The following DPYD variants were observed in gnomAD, a reference collection of about 807,000 sequenced individuals.
The protein encoded by DPYD is dihydropyrimidine dehydrogenase, also known as dihydropyrimidine dehydrogenase [NADP(+)].
DPYD carries 109 observed loss-of-function variants against 116.2 expected under a neutral mutation model. The observed-to-expected ratio is 0.94, with a 90% CI of 0.80 to 1.10. DPYD has a LOEUF of 1.10. DPYD is among the 50% of genes least tolerant of loss of function. The probability of loss-of-function intolerance (pLI) is 0.00; values close to 1 mark genes in which losing one functional copy is unlikely to be tolerated. For missense variants in DPYD, 1,302 were observed against 1,254.5 expected (o/e 1.04, Z -0.57); for synonymous variants, 440 against 432.0 (o/e 1.02, Z -0.23).
intron 11 of DPYD, among the ~76,000 whole-genome samples, chr1:97,571,338 G>A (rs527411975): frequency 1.3e-5 from 2 of 152,022 alleles, no homozygotes; most frequent in East Asian, 3.9e-4. Context: ...AGTCCTGAGA[G>A]GTAGAAAGAT....
At position 97,477,751 on chromosome 1, in the gene DPYD, G is replaced by A. The variant is rs547694354; in HGVS notation, c.1741-27528C>T. 2.6e-5 allele frequency among the ~76,000 whole-genome samples: 4 copies of A among 151,692 alleles called. No individual in the cohort carries two copies. In the East Asian group the frequency reaches 7.8e-4, roughly 29 times the overall value. The stretch of plus-strand genomic sequence containing the variant: ...TTCTCCTGCCTCAGCCTCCCGAGTA[G>A]CTGGGACTACAGGCGCCCGCCACCG... On this transcript the variant is annotated intron_variant, in intron 13 of 22. Transcript: ENST00000370192.
intron 7 of DPYD, among the ~76,000 whole-genome samples, chr1:97,689,838 G>C (rs998406793): frequency 6.6e-6 from 1 of 152,014 alleles, no homozygotes; most frequent in Admixed American, 6.6e-5. Context: ...AAGTGAAAAG[G>C]AATCTCACTG....
intron 3 of DPYD, among the ~76,000 whole-genome samples, chr1:97,777,792 A>G (rs996346423): frequency 5.3e-5 from 8 of 152,092 alleles, no homozygotes; most frequent in Non-Finnish European, 1.2e-4. Context: ...TGAAGTAGCC[A>G]TTATGTACTA....
intron 8 of DPYD, among the ~76,000 whole-genome samples, chr1:97,599,676 C>T (rs1254583981): frequency 6.6e-6 from 1 of 151,324 alleles, no homozygotes; most frequent in African/African-American, 2.4e-5. Flanking sequence ...GAAGATAGCA[C>T]AGACCACAGA....
intron 18 of DPYD, among the ~76,000 whole-genome samples, chr1:97,275,137 G>A (rs1664853947): frequency 6.6e-6 from 1 of 152,138 alleles, no homozygotes; most frequent in East Asian, 1.9e-4. Flanking sequence ...TATGGCCTGG[G>A]GCAGTGGCAG....
intron 14 of DPYD, among the ~76,000 whole-genome samples, chr1:97,412,424 A>G (rs1027850387): frequency 1.3e-5 from 2 of 152,160 alleles, no homozygotes; most frequent in African/African-American, 4.8e-5. Flanking sequence ...CCCTTCTCCC[A>G]CACATAATCA....
rs913710882 is a variant in DPYD at position 97,837,410 on chromosome 1, G to C, written c.151-9214C>G. 5.3e-5 allele frequency among the ~76,000 whole-genome samples: 8 copies of C among 152,150 alleles called. No homozygotes were observed. The East Asian group carries it at 1.2e-3, about 22-fold the overall frequency. On this transcript the variant is annotated intron_variant, in intron 2 of 22. Coordinates refer to ENST00000370192, the MANE Select transcript of DPYD (RefSeq NM_000110.4). ...AATTTTAAGTGCTAATCTTCAGAAG[G>C]CATTTTAAAATTAGCTAAAATTCTG... is the stretch of plus-strand genomic sequence containing the variant.
intron 17 of DPYD, 81 bp downstream of exon 17, chr1:97,306,096 G>A: frequency 1.2e-6 from 2 of 1,601,030 alleles, no homozygotes; most frequent in Non-Finnish European, 1.7e-6. Context: ...ATGTTTGTAG[G>A]AAAAGACATA....
Position 97,435,236 on chromosome 1 carries a change from A to G in DPYD, c.1905+14823T>C, listed in dbSNP as rs115725337. 2.1e-3 allele frequency among the ~76,000 whole-genome samples: 318 copies of G among 152,070 alleles called. 2 individuals carry two copies. The highest frequency in any genetic ancestry group is 7.3e-3 in the African/African-American group (304 of 41,558). On this transcript the variant is annotated intron_variant, in intron 14 of 22. Coordinates refer to ENST00000370192, the MANE Select transcript of DPYD (RefSeq NM_000110.4). ...TAGAAATATGGTTACATCTTTACCAACAAATTTCATTGACTGATTCTTCCC... is the reference window on the plus strand; with the variant it reads ...TAGAAATATGGTTACATCTTTACCAGCAAATTTCATTGACTGATTCTTCCC...
In DPYD at chr1:97,257,555, GTA is replaced by G. The variant is rs943775694; in HGVS notation, c.2300-22563_2300-22562del. Among the ~76,000 whole-genome samples, 646 of 149,318 alleles carry G rather than the reference GTA, an allele frequency of 4.3e-3. 7 individuals are homozygous for G. The highest frequency in any genetic ancestry group is 0.015 in the African/African-American group (619 of 40,448). On this transcript the variant is annotated intron_variant, in intron 18 of 22. Coordinates refer to ENST00000370192, the MANE Select transcript of DPYD (RefSeq NM_000110.4). The stretch of plus-strand genomic sequence containing the variant: ...TATATGTGTGTGTATATATGTATAC[GTA>G]TATATATATTTGTGTATGTATATGT...
At chr1:97,595,672 G>T (rs1407516995) in intron 8 of DPYD, among the ~76,000 whole-genome samples, 1 of 151,350 alleles carries the variant, frequency 6.6e-6, no homozygotes, top group Non-Finnish European at 1.5e-5. Context: ...AAATATAAAT[G>T]AATTAAAACG....
rs6674116 is a variant in DPYD at position 97,730,431 on chromosome 1, C to A, written c.322-8760G>T. 2.6e-5 allele frequency among the ~76,000 whole-genome samples: 4 copies of A among 152,086 alleles called. No individual in the cohort carries two copies. In the South Asian group the frequency reaches 8.3e-4, roughly 32 times the overall value. The stretch of plus-strand genomic sequence containing the variant: ...TAGAGACAGGATTTTTCCATGTTGG[C>A]CAGGCTGGTCTTGAACTCCTGACTA... On this transcript the variant is annotated intron_variant, in intron 4 of 22. Coordinates refer to ENST00000370192, the MANE Select transcript of DPYD (RefSeq NM_000110.4).
At chr1:97,395,332 T>C (rs1417996463) in intron 14 of DPYD, among the ~76,000 whole-genome samples, 2 of 151,986 alleles carry the variant, frequency 1.3e-5, no homozygotes, top group Non-Finnish European at 2.9e-5. Context: ...TTTGTTTCTG[T>C]ATTTACAGTT....
intron 20 of DPYD, among the ~76,000 whole-genome samples, chr1:97,112,937 TA>T (rs1367725947): frequency 6.6e-6 from 1 of 152,156 alleles, no homozygotes. Context: ...TTTCTTTCAA[TA>T]AATGTAGGTC....
intron 3 of DPYD, among the ~76,000 whole-genome samples, chr1:97,744,291 A>G (rs1289618137): frequency 2.0e-5 from 3 of 152,052 alleles, no homozygotes; most frequent in Admixed American, 2.0e-4. Flanking sequence ...GTGAGTAATG[A>G]AACAAGCGGC....
At chr1:97,582,280 A>C (rs1653740309) in intron 10 of DPYD, among the ~76,000 whole-genome samples, 1 of 152,194 alleles carries the variant, frequency 6.6e-6, no homozygotes, top group Admixed American at 6.5e-5. Context: ...AACCTGAGGA[A>C]ATCTGTGGGC....
intron 20 of DPYD, among the ~76,000 whole-genome samples, chr1:97,184,217 C>CA (rs374344666): frequency 6.6e-6 from 1 of 152,188 alleles, no homozygotes; most frequent in African/African-American, 2.4e-5. Flanking sequence ...AATAGTGCTG[C>CA]AATAAACATA....
At chr1:97,255,351 C>T (rs1356990971) in intron 18 of DPYD, among the ~76,000 whole-genome samples, 1 of 152,052 alleles carries the variant, frequency 6.6e-6, no homozygotes, top group Non-Finnish European at 1.5e-5. Flanking sequence ...TAGCTGTGTT[C>T]CCACCCAAAT....
chr1:97,536,311 T>C (rs966642293), intron 12 of DPYD, among the ~76,000 whole-genome samples: 1 of 152,222 alleles, frequency 6.6e-6, no homozygotes, highest in African/African-American at 2.4e-5. Context: ...TTTTTATTGA[T>C]ATTCATTGTT....
Sources: allele counts gnomAD v4.1 joint callset (sites outside exome capture counted in the v4.1 genomes callset), GRCh38; gene constraint gnomAD v4.1.1; transcripts MANE v1.5; gene names NCBI Gene and HGNC (gene_info 2026-07-23, HGNC 2026-07-21).